Variants in INVS observed in about 807,000 individuals in gnomAD.
The protein encoded by INVS is inversin, also known as inversion of embryo turning homolog.
A neutral mutation model predicts 108.8 loss-of-function variants in INVS; 86 were observed. That is an observed-to-expected ratio of 0.79 (90% confidence interval 0.66 to 0.95). The LOEUF is 0.95. INVS is among the 40% of genes least tolerant of loss of function. The pLI is 0.00. For missense variants in INVS, 1,169 were observed against 1,297.4 expected (o/e 0.90, Z 1.52); for synonymous variants, 455 against 473.5 (o/e 0.96, Z 0.51).
At position 100,202,092 on chromosome 9, in the gene INVS, GT is replaced by G. The variant is rs35296886; in HGVS notation, c.274-23957del. Among the ~76,000 whole-genome samples, 282 of 147,914 alleles carry G rather than the reference GT, an allele frequency of 1.9e-3. 1 individual carries two copies. Among genetic ancestry groups the G allele is most frequent in the African/African-American group, 5.5e-3 (221 of 40,232 alleles). Reference sequence around the variant, plus strand: ...GTGTTGAAAAGCAGTTATTACAATAGTTTTTTTTTTTTTATTTTGACTTCCT... The same window carrying G: ...GTGTTGAAAAGCAGTTATTACAATAGTTTTTTTTTTTTATTTTGACTTCCT... On this transcript the variant is annotated intron_variant, in intron 3 of 16. Coordinates refer to ENST00000262457, the MANE Select transcript of INVS (RefSeq NM_014425.5).
intron 3 of INVS, among the ~76,000 whole-genome samples, chr9:100,210,753 A>C (rs1830807069): frequency 6.6e-6 from 1 of 152,156 alleles, no homozygotes; most frequent in East Asian, 1.9e-4. Flanking sequence ...TAATTACATC[A>C]AAAATAACCA....
intron 3 of INVS, among the ~76,000 whole-genome samples, chr9:100,140,379 G>A (rs1049839513): frequency 6.6e-6 from 1 of 152,070 alleles, no homozygotes; most frequent in African/African-American, 2.4e-5. Context: ...CAGGAGTGGG[G>A]GTCACAAGGT....
intron 3 of INVS, among the ~76,000 whole-genome samples, chr9:100,196,577 G>A (rs559360208): frequency 6.6e-6 from 1 of 151,906 alleles, no homozygotes; most frequent in Admixed American, 6.6e-5. Flanking sequence ...GCTGAGGGGG[G>A]CCCAGCAGGT....
At chr9:100,178,415 TAGAATAACC>T (rs977611869) in intron 3 of INVS, among the ~76,000 whole-genome samples, 2 of 152,064 alleles carry the variant, frequency 1.3e-5, no homozygotes, top group African/African-American at 4.8e-5. Context: ...AATTGCTAAC[TAGAATAACC>T]AGTTTAGAGA....
intron 1 of INVS, among the ~76,000 whole-genome samples, chr9:100,099,766 T>G (rs1461875834): frequency 6.6e-6 from 1 of 152,160 alleles, no homozygotes; most frequent in Non-Finnish European, 1.5e-5. Flanking sequence ...CGAAATTCCC[T>G]AGCAAAGCAG....
chr9:100,188,339 T>C (rs932329425), intron 3 of INVS, among the ~76,000 whole-genome samples: 9 of 152,172 alleles, frequency 5.9e-5, no homozygotes, highest in African/African-American at 1.7e-4. Context: ...CCTTCTATAC[T>C]TAGACGGAAC....
chr9:100,212,628 G>A (rs2118309641), intron 3 of INVS, among the ~76,000 whole-genome samples: 2 of 150,136 alleles, frequency 1.3e-5, no homozygotes, highest in South Asian at 4.2e-4. Context: ...CTCTTCAGTT[G>A]TTGGTAACAC....
Position 100,103,627 on chromosome 9 carries a change from C to G in INVS, c.-24-871C>G, listed in dbSNP as rs372862401. On this transcript the variant is annotated intron_variant, in intron 1 of 16. Coordinates refer to ENST00000262457, the MANE Select transcript of INVS (RefSeq NM_014425.5). ...TGGGTGACAGAGCAAGACCCTGTCT[C>G]GAAAAGACAAGAAGGGAGGAAAGCA... is the stretch of plus-strand genomic sequence containing the variant. Among the ~76,000 whole-genome samples, 11 of 144,576 alleles carry G rather than the reference C, an allele frequency of 7.6e-5. No homozygotes were observed. In the East Asian group the frequency reaches 1.8e-3, roughly 24 times the overall value. 94.8% of individuals were successfully genotyped at this position (144,576 alleles called of 152,430 possible).
At chr9:100,262,638 T>TAAAAAAAAAAAAAAA in intron 10 of INVS, among the ~76,000 whole-genome samples, 1 of 116,484 alleles carries the variant, frequency 8.6e-6, no homozygotes, top group Non-Finnish European at 1.7e-5. Context: ...CCTGGAGCAC[T>TAAAAAAAAAAAAAAA]AAAAAAAAAA....
At chr9:100,271,056 T>G (rs1465348186) in intron 11 of INVS, among the ~76,000 whole-genome samples, 1 of 152,168 alleles carries the variant, frequency 6.6e-6, no homozygotes, top group East Asian at 1.9e-4. Flanking sequence ...AAAACAGTGA[T>G]GTATATACAC....
intron 2 of INVS, chr9:100,117,285 G>C (rs769369263): frequency 9.2e-5 from 68 of 735,996 alleles, no homozygotes; most frequent in Middle Eastern, 6.8e-4. Flanking sequence ...TGGCCAGCAC[G>C]GGTCTGCTTC....
chr9:100,243,787 A>C (rs1475874570), intron 7 of INVS, among the ~76,000 whole-genome samples: 4 of 152,174 alleles, frequency 2.6e-5, no homozygotes, highest in Non-Finnish European at 5.9e-5. Flanking sequence ...AGATGGGCGG[A>C]TCACCTAAGG....
intron 3 of INVS, among the ~76,000 whole-genome samples, chr9:100,209,276 G>A (rs1830762753): frequency 6.6e-6 from 1 of 152,194 alleles, no homozygotes; most frequent in Non-Finnish European, 1.5e-5. Context: ...TTTTGAAGTA[G>A]CTATAGGGAG....
At chr9:100,214,647 C>T (rs1019116415) in intron 3 of INVS, among the ~76,000 whole-genome samples, 1 of 152,170 alleles carries the variant, frequency 6.6e-6, no homozygotes, top group South Asian at 2.1e-4. Flanking sequence ...ATGTATACAA[C>T]GGGGTCCACA....
chr9:100,280,310 C>G (rs1833236328), intron 12 of INVS, among the ~76,000 whole-genome samples: 1 of 152,176 alleles, frequency 6.6e-6, no homozygotes, highest in Non-Finnish European at 1.5e-5. Context: ...CCTCTTCACC[C>G]TGTGGAGCAC....
intron 3 of INVS, among the ~76,000 whole-genome samples, chr9:100,151,396 T>C (rs577403832): frequency 3.4e-4 from 52 of 152,086 alleles, no homozygotes; most frequent in Non-Finnish European, 6.9e-4. Context: ...GGAGTATCAC[T>C]TGAGTCCAGG....
intron 2 of INVS, chr9:100,116,720 A>G: frequency 5.6e-6 from 4 of 720,078 alleles, no homozygotes; most frequent in Non-Finnish European, 6.0e-6. Context: ...TTTTTTTAAC[A>G]GGCTTTATTC....
intron 3 of INVS, among the ~76,000 whole-genome samples, chr9:100,132,941 C>T (rs1244399631): frequency 6.6e-6 from 1 of 152,066 alleles, no homozygotes; most frequent in African/African-American, 2.4e-5. Flanking sequence ...CCCATCTCTA[C>T]TAAAAATACA....
At chr9:100,232,346 C>T (rs1831539546) in intron 5 of INVS, among the ~76,000 whole-genome samples, 1 of 152,088 alleles carries the variant, frequency 6.6e-6, no homozygotes, top group Non-Finnish European at 1.5e-5. Context: ...TGCCAAAGCT[C>T]TTTAGTTTCA....
Sources: allele counts gnomAD v4.1 joint callset (sites outside exome capture counted in the v4.1 genomes callset), GRCh38; gene constraint gnomAD v4.1.1; transcripts MANE v1.5; gene names NCBI Gene and HGNC (gene_info 2026-07-23, HGNC 2026-07-21).